Variants in WWOX observed in about 807,000 individuals in gnomAD.
The protein encoded by WWOX is WW domain-containing oxidoreductase.
WWOX carries 69 observed loss-of-function variants against 46.2 expected under a neutral mutation model. That is an observed-to-expected ratio of 1.49 (90% CI 1.23 to 1.82). The LOEUF (loss-of-function observed/expected upper bound fraction) is 1.82. Ranked by LOEUF, WWOX falls within the 40% of genes most tolerant of loss-of-function variation. The probability of loss-of-function intolerance (pLI) is 0.00; values close to 1 mark genes in which losing one functional copy is unlikely to be tolerated. For synonymous variants in WWOX, 359 were observed against 202.6 expected (o/e 1.77, Z -6.56); for missense variants, 919 against 542.6 (o/e 1.69, Z -6.89).
At chr16:78,768,274 T>G (rs2049974626) in intron 8 of WWOX, among the ~76,000 whole-genome samples, 1 of 43,176 alleles carries the variant, frequency 2.3e-5, no homozygotes, top group Non-Finnish European at 6.2e-5. Flanking sequence ...AAGTGATAGA[T>G]GAGTTAAAAA....
intron 6 of WWOX, among the ~76,000 whole-genome samples, chr16:78,395,622 G>A (rs1360524047): frequency 1.3e-5 from 2 of 152,076 alleles, no homozygotes; most frequent in East Asian, 1.9e-4. Flanking sequence ...GAGAAGAAGG[G>A]AAATGAGCTT....
intron 8 of WWOX, among the ~76,000 whole-genome samples, chr16:78,507,993 C>CGCGTGT (rs2085257620): frequency 6.9e-6 from 1 of 145,462 alleles, no homozygotes; most frequent in African/African-American, 2.6e-5. Context: ...TTTTTGGTTG[C>CGCGTGT]GTGCGTGTGT....
intron 5 of WWOX, among the ~76,000 whole-genome samples, chr16:78,216,001 C>T (rs2151792943): frequency 6.6e-6 from 1 of 152,088 alleles, no homozygotes; most frequent in African/African-American, 2.4e-5. Context: ...CACAGATGAG[C>T]CACTAACTGG....
chr16:79,099,364 T>A (rs1442048547), intron 8 of WWOX, among the ~76,000 whole-genome samples: 2 of 152,166 alleles, frequency 1.3e-5, no homozygotes, highest in East Asian at 1.9e-4. Flanking sequence ...AAAAACAATG[T>A]AAGGTCCCGT....
intron 8 of WWOX, among the ~76,000 whole-genome samples, chr16:78,500,409 C>CA (rs2085031683): frequency 4.3e-5 from 1 of 23,008 alleles, no homozygotes; most frequent in Non-Finnish European, 1.4e-4. Flanking sequence ...TTCTTCTTTC[C>CA]TTCCTTCCTT....
chr16:78,824,580 C>T (rs746966029), intron 8 of WWOX, among the ~76,000 whole-genome samples: 16 of 152,040 alleles, frequency 1.1e-4, no homozygotes, highest in African/African-American at 3.1e-4. Flanking sequence ...CAGTTCCGCA[C>T]GGCTGGGGAG....
In WWOX at chr16:78,100,313, T is replaced by A. The variant is rs1021022529; in HGVS notation, c.107+428T>A. The A allele has an allele frequency of 3.1e-6, 3 of 967,434 alleles. No homozygotes were observed. In the African/African-American group the frequency reaches 5.4e-5, roughly 17 times the overall value. The allele number at this position is 967,434 out of a possible 1,614,324, so 59.9% of individuals were successfully genotyped here. On this transcript the variant is annotated intron_variant, in intron 1 of 8. Coordinates refer to ENST00000566780, the MANE Select transcript of WWOX (RefSeq NM_016373.4). ...AGTCATCCAGGCTGGAGTGCAGGGG[T>A]GCCATCATAGCCCACTGTAGCCTCT...
intron 8 of WWOX, among the ~76,000 whole-genome samples, chr16:79,066,085 A>G (rs1475261840): frequency 6.6e-6 from 1 of 151,984 alleles, no homozygotes; most frequent in Non-Finnish European, 1.5e-5. Flanking sequence ...TCTCCTTCAC[A>G]CCTGTCTCCT....
At position 78,656,396 on chromosome 16, in the gene WWOX, G is replaced by C. The variant is rs544098231; in HGVS notation, c.1056+223644G>C. On this transcript the variant is annotated intron_variant, in intron 8 of 8. Coordinates refer to ENST00000566780, the MANE Select transcript of WWOX (RefSeq NM_016373.4). ...GAGGCTGGCTAATGTATAAAGAAAA[G>C]AGGTTTAATTGGCTCATGGTTCCGC... is the stretch of plus-strand genomic sequence containing the variant. Among the ~76,000 whole-genome samples, 4 of 152,296 alleles carry C rather than the reference G, an allele frequency of 2.6e-5. No individual in the cohort carries two copies. In the East Asian group the frequency reaches 5.8e-4, roughly 22 times the overall value.
intron 8 of WWOX, among the ~76,000 whole-genome samples, chr16:78,829,211 C>A (rs1278250758): frequency 1.3e-5 from 2 of 152,116 alleles, no homozygotes; most frequent in South Asian, 2.1e-4. Context: ...CGAATTGGCT[C>A]ACACAATTAT....
intron 8 of WWOX, among the ~76,000 whole-genome samples, chr16:78,724,344 T>A (rs964142102): frequency 6.6e-6 from 1 of 152,202 alleles, no homozygotes; most frequent in Non-Finnish European, 1.5e-5. Context: ...ACAGTTTTCA[T>A]TGATGTGACC....
At chr16:78,719,785 G>C (rs535438901) in intron 8 of WWOX, among the ~76,000 whole-genome samples, 1 of 152,212 alleles carries the variant, frequency 6.6e-6, no homozygotes, top group South Asian at 2.1e-4. Context: ...GTAACCAGGG[G>C]TATTATGTTT....
chr16:79,080,084 A>C (rs531426409), intron 8 of WWOX, among the ~76,000 whole-genome samples: 2 of 152,316 alleles, frequency 1.3e-5, no homozygotes, highest in African/African-American at 4.8e-5. Flanking sequence ...CTCATGGATT[A>C]TTGGTTGTGA....
intron 5 of WWOX, among the ~76,000 whole-genome samples, chr16:78,365,498 A>G (rs894057188): frequency 4.6e-5 from 7 of 152,188 alleles, no homozygotes; most frequent in African/African-American, 1.7e-4. Flanking sequence ...AATGAACATG[A>G]CTTCAATAAT....
intron 8 of WWOX, among the ~76,000 whole-genome samples, chr16:78,615,820 C>A (rs1962835): frequency 2.0e-5 from 3 of 151,200 alleles, no homozygotes; most frequent in East Asian, 2.0e-4. Flanking sequence ...GCACAGTCTC[C>A]GCTCACTGTA....
intron 5 of WWOX, among the ~76,000 whole-genome samples, chr16:78,317,615 G>A (rs879444488): frequency 1.3e-5 from 2 of 152,092 alleles, no homozygotes; most frequent in South Asian, 2.1e-4. Context: ...ACACACTTGC[G>A]TAAAGTGAGA....
chr16:79,007,030 G>C (rs1597266967), intron 8 of WWOX, among the ~76,000 whole-genome samples: 2 of 152,132 alleles, frequency 1.3e-5, no homozygotes, highest in East Asian at 1.9e-4. Flanking sequence ...AGTGGGATGG[G>C]GGTATCTCTA....
At chr16:78,274,808 G>T (rs2079547593) in intron 5 of WWOX, among the ~76,000 whole-genome samples, 1 of 152,160 alleles carries the variant, frequency 6.6e-6, no homozygotes, top group Non-Finnish European at 1.5e-5. Context: ...AGAAGACAAA[G>T]ATTTTAAAAA....
intron 8 of WWOX, among the ~76,000 whole-genome samples, chr16:78,539,993 C>T (rs571054258): frequency 6.6e-5 from 9 of 135,692 alleles, no homozygotes; most frequent in Non-Finnish European, 1.2e-4. Flanking sequence ...ATCTCTCTCT[C>T]TCTTTCTCTC....
Sources: allele counts gnomAD v4.1 joint callset (sites outside exome capture counted in the v4.1 genomes callset), GRCh38; gene constraint gnomAD v4.1.1; transcripts MANE v1.5; gene names NCBI Gene and HGNC (gene_info 2026-07-23, HGNC 2026-07-21).